The following ZBTB20 variants were observed in gnomAD, a reference collection of about 807,000 sequenced individuals.
ZBTB20 encodes the protein zinc finger and BTB domain-containing protein 20.
A neutral mutation model predicts 56.9 loss-of-function variants in ZBTB20; 9 were observed. The ratio of observed to expected loss-of-function variants is 0.16; its 90% CI spans 0.10 to 0.28. The LOEUF is 0.28. ZBTB20 is among the 10% of genes least tolerant of loss of function. ZBTB20 has a pLI of 1.00. For missense variants in ZBTB20, 655 were observed against 1,003.0 expected, an observed-to-expected ratio of 0.65 and a Z score of 4.69; for synonymous variants, 417 against 420.7, an observed-to-expected ratio of 0.99 and a Z score of 0.11.
chr3:114,768,505 T>C (rs1211425185), intron 5 of ZBTB20, among the ~76,000 whole-genome samples: 1 of 152,016 alleles, frequency 6.6e-6, no homozygotes, highest in Non-Finnish European at 1.5e-5. Flanking sequence ...TCATCAGACA[T>C]ATAGGAAATT....
intron 4 of ZBTB20, among the ~76,000 whole-genome samples, chr3:114,837,663 G>C (rs2074187725): frequency 6.6e-6 from 1 of 152,030 alleles, no homozygotes. Context: ...GTGATAGAGG[G>C]ACTCAAGAGA....
At chr3:114,700,078 G>T (rs933606409) in intron 5 of ZBTB20, among the ~76,000 whole-genome samples, 3 of 151,818 alleles carry the variant, frequency 2.0e-5, no homozygotes, top group Non-Finnish European at 4.4e-5. Flanking sequence ...TCTTAAATGT[G>T]AGCCTACTGT....
At chr3:114,773,964 GC>G (rs2069406128) in intron 5 of ZBTB20, among the ~76,000 whole-genome samples, 1 of 152,224 alleles carries the variant, frequency 6.6e-6, no homozygotes, top group Non-Finnish European at 1.5e-5. Flanking sequence ...TACACAGCTA[GC>G]TTCTGGTCTT....
chr3:114,776,032 C>CTTTTTTTTTT (rs11324801), intron 5 of ZBTB20, among the ~76,000 whole-genome samples: 1 of 135,548 alleles, frequency 7.4e-6, no homozygotes, highest in Non-Finnish European at 1.6e-5. Context: ...AATTTTTTTT[C>CTTTTTTTTTT]TTTTTTTTTT....
chr3:114,672,779 GACA>G (rs1292910870), intron 6 of ZBTB20, among the ~76,000 whole-genome samples: 2 of 152,128 alleles, frequency 1.3e-5, no homozygotes, highest in Non-Finnish European at 2.9e-5. Flanking sequence ...CAAATACTGT[GACA>G]TGTTACCTGC....
intron 7 of ZBTB20, among the ~76,000 whole-genome samples, chr3:114,495,450 T>TAC (rs1382767202): frequency 2.6e-4 from 37 of 143,648 alleles, no homozygotes; most frequent in African/African-American, 9.1e-4. Context: ...CAAGTCTGTG[T>TAC]ATACACACAC....
chr3:114,446,708 T>C (rs367602547), intron 7 of ZBTB20, among the ~76,000 whole-genome samples: 17 of 152,234 alleles, frequency 1.1e-4, no homozygotes, highest in African/African-American at 3.6e-4. Flanking sequence ...TTGGTCCAGG[T>C]TGGCACTGTT....
chr3:115,058,723 A>G (rs1207668540), intron 2 of ZBTB20, among the ~76,000 whole-genome samples: 1 of 151,922 alleles, frequency 6.6e-6, no homozygotes, highest in Middle Eastern at 3.2e-3. Flanking sequence ...GCAAGACTCC[A>G]TATATATATA....
chr3:114,823,261 C>G (rs2073351997), intron 4 of ZBTB20, among the ~76,000 whole-genome samples: 1 of 152,066 alleles, frequency 6.6e-6, no homozygotes, highest in African/African-American at 2.4e-5. Context: ...GGGAGGGCAT[C>G]CAGCTGGCAC....
chr3:114,443,454 C>T (rs1054878054), intron 7 of ZBTB20, among the ~76,000 whole-genome samples: 3 of 152,292 alleles, frequency 2.0e-5, no homozygotes, highest in East Asian at 3.9e-4. Context: ...CAAGCAACAC[C>T]ACTGCATTTT....
chr3:114,439,407 C>T (rs2090757650), intron 7 of ZBTB20, among the ~76,000 whole-genome samples: 1 of 152,122 alleles, frequency 6.6e-6, no homozygotes, highest in Non-Finnish European at 1.5e-5. Context: ...TCCCTCATTT[C>T]ACCAACAGTA....
intron 6 of ZBTB20, among the ~76,000 whole-genome samples, chr3:114,665,861 C>A (rs2061023539): frequency 6.6e-6 from 1 of 152,052 alleles, no homozygotes; most frequent in African/African-American, 2.4e-5. Context: ...TGGAAGCTTT[C>A]TAATAAGTCT....
intron 3 of ZBTB20, among the ~76,000 whole-genome samples, chr3:114,928,500 C>A (rs1218595032): frequency 1.3e-5 from 2 of 152,188 alleles, no homozygotes; most frequent in Non-Finnish European, 2.9e-5. Flanking sequence ...TGTTTAATTT[C>A]TAAAAAATAA....
In ZBTB20 at chr3:114,768,425, A is replaced by T. The variant is rs955459084; in HGVS notation, c.-343+32676T>A. On this transcript the variant is annotated intron_variant, in intron 5 of 11. Transcript: ENST00000675478. ...TGCACTAATATATAATACTGCCCTGATTTTGAACATTAGTCTAATACTTAC... is the reference window on the plus strand; with the variant it reads ...TGCACTAATATATAATACTGCCCTGTTTTTGAACATTAGTCTAATACTTAC... Among the ~76,000 whole-genome samples the T allele has an allele frequency of 1.6e-4, 25 of 152,152 alleles. 1 individual carries two copies. The highest frequency in any genetic ancestry group is 6.0e-4 in the African/African-American group (25 of 41,544).
At chr3:114,931,316 G>T in intron 3 of ZBTB20, 1 of 200,988 alleles carries the variant, frequency 5.0e-6, no homozygotes, top group South Asian at 9.6e-5. Context: ...TATCAGCAGC[G>T]ACCTCAACAT....
At chr3:114,549,929 T>C (rs893227666) in intron 6 of ZBTB20, among the ~76,000 whole-genome samples, 1 of 151,972 alleles carries the variant, frequency 6.6e-6, no homozygotes, top group Non-Finnish European at 1.5e-5. Flanking sequence ...TTTTTCTACT[T>C]CTATATAACT....
chr3:114,856,576 A>G (rs1339305796), intron 4 of ZBTB20, among the ~76,000 whole-genome samples: 1 of 152,140 alleles, frequency 6.6e-6, no homozygotes, highest in African/African-American at 2.4e-5. Context: ...AGATACAATA[A>G]TTGTTACTGC....
At chr3:115,020,737 T>C (rs1446016315) in intron 2 of ZBTB20, among the ~76,000 whole-genome samples, 4 of 151,038 alleles carry the variant, frequency 2.6e-5, no homozygotes, top group African/African-American at 7.3e-5. Context: ...ATATTGTACA[T>C]ATACTCTATA....
chr3:115,054,227 T>G (rs1401904114), intron 2 of ZBTB20, among the ~76,000 whole-genome samples: 1 of 152,108 alleles, frequency 6.6e-6, no homozygotes, highest in African/African-American at 2.4e-5. Flanking sequence ...AATGATCTGT[T>G]TACAGGGAGC....
Sources: allele counts gnomAD v4.1 joint callset (sites outside exome capture counted in the v4.1 genomes callset), GRCh38; gene constraint gnomAD v4.1.1; transcripts MANE v1.5; gene names NCBI Gene and HGNC (gene_info 2026-07-23, HGNC 2026-07-21).